The following ATG2B variants were observed in gnomAD, a reference collection of about 807,000 sequenced individuals.
ATG2B encodes autophagy related 2B.
A neutral mutation model predicts 241.3 loss-of-function variants in ATG2B; 121 were observed. The ratio of observed to expected loss-of-function variants is 0.50; its 90% CI spans 0.43 to 0.58. The LOEUF is 0.58. Among genes scored for constraint, ATG2B ranks in the 20% least tolerant of loss-of-function variants. The pLI is 0.00. For missense variants in ATG2B, 2,306 were observed against 2,491.6 expected, an observed-to-expected ratio of 0.93 and a Z score of 1.59; for synonymous variants, 858 against 876.6, an observed-to-expected ratio of 0.98 and a Z score of 0.37.
At chr14:96,341,398 C>T (rs992743816) in intron 6 of ATG2B, 124 bp downstream of exon 6, 27 of 669,040 alleles carry the variant, frequency 4.0e-5, no homozygotes, top group Middle Eastern at 7.5e-4. Flanking sequence ...AATGCTAACT[C>T]GGTGACAGCA....
Position 96,285,446 on chromosome 14 carries a change from A to G in ATG2B, c.*309T>C. The G allele has an allele frequency of 3.1e-6, 1 of 322,258 alleles. No individual in the cohort carries two copies. The highest frequency in any genetic ancestry group is 4.2e-5 in the South Asian group (1 of 23,562). The allele number at this position is 322,258 out of a possible 1,614,324, so 20.0% of individuals were successfully genotyped here. ...CACAAAGTGTTAGAAGGCAGCTTCC[A>G]ATGATCTCTCGTCGGTAACAAGGAG... On this transcript the variant is annotated 3_prime_UTR_variant, in exon 42 of 42. Coordinates refer to ENST00000359933, the MANE Select transcript of ATG2B (RefSeq NM_018036.7). This position sits in a 1 kb window ranked among gnomAD's most constrained non-coding sequence, Gnocchi z 4.2.
rs182586226 is a variant in ATG2B at position 96,296,552 on chromosome 14, G to C, written c.5140-992C>G. ...TGAGGCGGGCAGATCATGAGGTCAG[G>C]AGTTCAAGACCAGCCTGGCCAACAC... On this transcript the variant is annotated intron_variant, in intron 34 of 41. Transcript: ENST00000359933. Among the ~76,000 whole-genome samples the C allele has an allele frequency of 1.5e-3, 224 of 152,020 alleles. 3 individuals are homozygous for C. Among genetic ancestry groups the C allele is most frequent in the Admixed American group, 0.014 (212 of 15,260 alleles).
chr14:96,351,138 A>G (rs1888307291), intron 1 of ATG2B, among the ~76,000 whole-genome samples: 1 of 152,214 alleles, frequency 6.6e-6, no homozygotes, highest in African/African-American at 2.4e-5. Context: ...CTACTGATTT[A>G]TAACATCAGT....
At chr14:96,353,486 C>T (rs1284904288) in intron 1 of ATG2B, among the ~76,000 whole-genome samples, 1 of 151,966 alleles carries the variant, frequency 6.6e-6, no homozygotes, top group East Asian at 1.9e-4. Flanking sequence ...ATTAGCCAGG[C>T]ATGGTGACAT....
At chr14:96,357,690 T>TG (rs1043245140) in intron 1 of ATG2B, among the ~76,000 whole-genome samples, 1 of 151,996 alleles carries the variant, frequency 6.6e-6, no homozygotes, top group Non-Finnish European at 1.5e-5. Flanking sequence ...CATAGTTTTT[T>TG]TTTTTTAAGA....
At chr14:96,341,475 T>A in intron 6 of ATG2B, 47 bp downstream of exon 6, 4 of 1,427,844 alleles carry the variant, frequency 2.8e-6, no homozygotes, top group Non-Finnish European at 3.8e-6. Context: ...AAAGAATACT[T>A]GTACTTTTAT....
At chr14:96,292,717 A>G (rs1304273549) in intron 36 of ATG2B, among the ~76,000 whole-genome samples, 3 of 152,230 alleles carry the variant, frequency 2.0e-5, no homozygotes, top group Non-Finnish European at 4.4e-5. Context: ...CTTGAAACTA[A>G]TGATTCTAAG....
intron 18 of ATG2B, 104 bp downstream of exon 18, chr14:96,322,008 G>T: frequency 1.2e-6 from 1 of 801,078 alleles, no homozygotes; most frequent in Non-Finnish European, 1.9e-6. Flanking sequence ...ACACAGAGAT[G>T]GCATATAATA....
intron 34 of ATG2B, among the ~76,000 whole-genome samples, chr14:96,299,534 G>A (rs1886733706): frequency 6.6e-6 from 1 of 152,308 alleles, no homozygotes. Flanking sequence ...TGAATGAATT[G>A]ATACGCTTTC....
At chr14:96,346,265 A>G (rs1029071343) in intron 2 of ATG2B, among the ~76,000 whole-genome samples, 3 of 152,024 alleles carry the variant, frequency 2.0e-5, no homozygotes, top group African/African-American at 7.2e-5. Flanking sequence ...TTCTCCCCAC[A>G]CCTCCCTACA....
intron 33 of ATG2B, 150 bp from the exon 34 acceptor site, chr14:96,302,258 C>G (rs1225202490): frequency 2.0e-5 from 12 of 604,864 alleles, no homozygotes; most frequent in Non-Finnish European, 3.1e-5. Flanking sequence ...AAGTCTGAAT[C>G]AAACATTTTT....
chr14:96,285,661 C>A lies in ATG2B; in HGVS notation c.*94G>T. 8.4e-7 allele frequency: 1 copy of A among 1,195,088 alleles called. No individual in the cohort carries two copies. The highest frequency in any genetic ancestry group is 1.4e-5 in the South Asian group (1 of 73,224). 74.0% of individuals were successfully genotyped at this position (1,195,088 alleles called of 1,614,324 possible). ...AATGCTTTTGTTCCTGAGATGAGCA[C>A]AATAAAATTAAACGAGCTTCCTCTG... On this transcript the variant is annotated 3_prime_UTR_variant, in exon 42 of 42. Transcript: ENST00000359933. The surrounding 1 kb of genome is among the most constrained non-coding windows in gnomAD (Gnocchi z 4.2).
At chr14:96,320,030 G>C (rs888607306) in intron 18 of ATG2B, among the ~76,000 whole-genome samples, 17 of 152,204 alleles carry the variant, frequency 1.1e-4, no homozygotes, top group African/African-American at 4.1e-4. Flanking sequence ...TAATAGAATA[G>C]AAACTCTCTT....
At chr14:96,330,199 A>G (rs970674984) in intron 11 of ATG2B, among the ~76,000 whole-genome samples, 11 of 150,800 alleles carry the variant, frequency 7.3e-5, no homozygotes, top group African/African-American at 2.4e-4. Flanking sequence ...AAAATACAAG[A>G]AAAAAAAAGG....
Position 96,325,701 on chromosome 14 carries a change from T to C in ATG2B, c.2385A>G (p.Gly795=). 2 of 1,613,818 alleles carry C rather than the reference T, an allele frequency of 1.2e-6. No individual in the cohort carries two copies. The highest frequency in any genetic ancestry group is 1.7e-6 in the Non-Finnish European group (2 of 1,179,898). The part of the protein sequence containing the change: ...TDLEFKTEFI[G]GSTPEQIKLE... ...ATTTAATTTGTTCTGGGGTTGATCC[T>C]CCTATAAATTCAGTCTTAAATTCTA... is the stretch of plus-strand genomic sequence containing the variant. The change falls in exon 15 of 42, where the codon GGA becomes GGG. Residue 795 remains glycine, a synonymous_variant. Transcript: ENST00000359933.
At chr14:96,308,229 T>TATAA (rs1887016263) in intron 29 of ATG2B, among the ~76,000 whole-genome samples, 1 of 50,970 alleles carries the variant, frequency 2.0e-5, no homozygotes, top group Non-Finnish European at 3.7e-5. Context: ...AATATATATA[T>TATAA]ACATATATAT....
chr14:96,347,146 A>C, intron 2 of ATG2B, 33 bp downstream of exon 2: 1 of 1,485,766 alleles, frequency 6.7e-7, no homozygotes. Flanking sequence ...GAAGAATAAA[A>C]ACACATAAAA....
At chr14:96,352,396 T>C (rs771780320) in intron 1 of ATG2B, among the ~76,000 whole-genome samples, 2 of 152,024 alleles carry the variant, frequency 1.3e-5, no homozygotes, top group Non-Finnish European at 2.9e-5. Flanking sequence ...AAAAAAAAGT[T>C]AACTGTAAAA....
chr14:96,334,022 A>T (rs1887808782), intron 7 of ATG2B, 149 bp from the exon 8 acceptor site: 1 of 688,470 alleles, frequency 1.5e-6, no homozygotes, highest in African/African-American at 1.8e-5. Context: ...GCTCTAAGCA[A>T]CAGCTTTAAG....
Sources: allele counts gnomAD v4.1 joint callset (sites outside exome capture counted in the v4.1 genomes callset), GRCh38; gene constraint gnomAD v4.1.1; non-coding constraint Gnocchi (gnomAD v3.1); transcripts MANE v1.5; gene names NCBI Gene and HGNC (gene_info 2026-07-23, HGNC 2026-07-21).